Variants in UTY observed in about 807,000 individuals in gnomAD.
UTY encodes the protein ubiquitously transcribed tetratricopeptide repeat containing, Y-linked, also known as histone demethylase UTY.
In UTY, 12 loss-of-function variants were observed where a neutral mutation model predicts 32.5. The ratio of observed to expected loss-of-function variants is 0.37; its 90% confidence interval spans 0.24 to 0.60. The LOEUF (loss-of-function observed/expected upper bound fraction) is 0.60. UTY is among the 20% of genes least tolerant of loss of function. The pLI is 0.69. For synonymous variants in UTY, 131 were observed against 103.4 expected, an observed-to-expected ratio of 1.27 and a Z score of -1.62; for missense variants, 303 against 299.2, an observed-to-expected ratio of 1.01 and a Z score of -0.09.
intron 27 of UTY, among the ~76,000 whole-genome samples, chrY:13,276,942 C>T: frequency 5.9e-5 from 2 of 33,727 alleles, no homozygotes. Flanking sequence ...TTAAAGGAGA[C>T]GTAAAGTCTT....
At chrY:13,245,214 C>A, downstream of UTY, among the ~76,000 whole-genome samples, 1 of 33,885 alleles carries the variant, frequency 3.0e-5, no homozygotes, top group Non-Finnish European at 7.3e-5. Flanking sequence ...GGTATAAGTA[C>A]CTTATTTCAC....
chrY:13,474,684 G>T, intron 2 of UTY, among the ~76,000 whole-genome samples: 2 of 33,871 alleles, frequency 5.9e-5, no homozygotes, highest in Non-Finnish European at 1.5e-4. Context: ...GTAAAAATGA[G>T]AAAAGATCTG....
chrY:13,328,810 T>G (rs2060438946), intron 18 of UTY, among the ~76,000 whole-genome samples: 1 of 33,383 alleles, frequency 3.0e-5, no homozygotes. Context: ...TAAGGTAAAG[T>G]CCTTTTACCT....
At chrY:13,438,176 A>G (rs2074837435) in intron 4 of UTY, among the ~76,000 whole-genome samples, 2 of 32,650 alleles carry the variant, frequency 6.1e-5, no homozygotes. Flanking sequence ...GGGGGTTAAG[A>G]AAGAGTCCCT....
intron 4 of UTY, among the ~76,000 whole-genome samples, chrY:13,424,416 A>G: frequency 3.2e-5 from 1 of 31,487 alleles, no homozygotes; most frequent in Non-Finnish European, 7.7e-5. Context: ...AAAACAAAAC[A>G]AGACAAAACA....
At chrY:13,244,705 G>A, downstream of UTY, among the ~76,000 whole-genome samples, 1 of 32,865 alleles carries the variant, frequency 3.0e-5, no homozygotes, top group African/African-American at 1.2e-4. Flanking sequence ...TTATTAACCT[G>A]TTACTTACAT....
intron 21 of UTY, among the ~76,000 whole-genome samples, chrY:13,314,137 G>A: frequency 3.0e-5 from 1 of 33,669 alleles, no homozygotes; most frequent in Non-Finnish European, 7.4e-5. Flanking sequence ...TAAACCCTCT[G>A]TCTTTAAAAT....
intron 4 of UTY, among the ~76,000 whole-genome samples, chrY:13,420,824 T>C (rs2072435582): frequency 9.0e-5 from 3 of 33,151 alleles, no homozygotes; most frequent in African/African-American, 1.2e-4. Flanking sequence ...GACATAGGAA[T>C]GGGCAAAAAT....
rs1011633763 is a variant in UTY at position 13,335,440 on chromosome Y, A to G, written c.2834+123T>C. On this transcript the variant is annotated intron_variant, in intron 18 of 29. Transcript: ENST00000545955. ...ACAACAAAAAAAATTGTTGTTTTAT[A>G]TGAGTGACTCTATAAATCTTTTGAG... 13 of 225,949 alleles carry G rather than the reference A, an allele frequency of 5.8e-5. No individual in the cohort carries two copies. The African/African-American group carries it at 1.0e-3, about 18-fold the overall frequency. 56.4% of individuals were successfully genotyped at this position (225,949 alleles called of 400,897 possible).
At chrY:13,277,533 C>T in intron 27 of UTY, among the ~76,000 whole-genome samples, 2 of 33,518 alleles carry the variant, frequency 6.0e-5, no homozygotes, top group African/African-American at 2.3e-4. Context: ...ATCACCCATC[C>T]CCAAACCCCG....
At chrY:13,422,782 T>TA (rs2072763120) in intron 4 of UTY, among the ~76,000 whole-genome samples, 2 of 33,557 alleles carry the variant, frequency 6.0e-5, no homozygotes, top group Non-Finnish European at 1.5e-4. Flanking sequence ...GACAGAATTC[T>TA]AAAAAGTAGA....
intron 25 of UTY, among the ~76,000 whole-genome samples, chrY:13,301,790 T>C (rs2058387485): frequency 3.0e-5 from 1 of 33,664 alleles, no homozygotes; most frequent in Admixed American, 2.7e-4. Flanking sequence ...TTCTGTGTAT[T>C]TGGAGTTTCC....
chrY:13,474,247 G>GA (rs2078820250), intron 2 of UTY, among the ~76,000 whole-genome samples: 1 of 29,464 alleles, frequency 3.4e-5, no homozygotes, highest in African/African-American at 1.3e-4. Context: ...ATCTCAAAAA[G>GA]AAAAAAAAAC....
chrY:13,396,948 A>G lies in UTY; in HGVS notation c.580T>C (p.Cys194Arg), dbSNP rs777321086. 13 of 369,380 alleles carry G rather than the reference A, an allele frequency of 3.5e-5. No homozygotes were observed. In the East Asian group the frequency reaches 1.1e-3, roughly 32 times the overall value. 92.1% of individuals were successfully genotyped at this position (369,380 alleles called of 400,897 possible). A position where few individuals can be genotyped will look rare whatever the true frequency, so the allele number is the denominator to read the frequency against. The change falls in exon 7 of 30, where the codon TGT becomes CGT. Residue 194 changes from cysteine to arginine, a missense_variant. By Grantham distance (180) the Cys-to-Arg change is radical. Transcript: ENST00000545955. ...GCATTGGACAAAGTACATGGATTAC[A>G]GTCAATCAAGGCTAACTGAAAATGC... ...LKHFQLALID[C>R]NPCTLSNAEI...
Position 13,414,803 on chromosome Y carries a change from T to C in UTY, c.376-10A>G, listed in dbSNP as rs1182297971. 5.3e-6 allele frequency: 2 copies of C among 375,696 alleles called. No individual in the cohort carries two copies. Among genetic ancestry groups the C allele is most frequent in the Non-Finnish European group, 7.4e-6 (2 of 269,937 alleles). The allele number at this position is 375,696 out of a possible 400,897, so 93.7% of individuals were successfully genotyped here. The stretch of plus-strand genomic sequence containing the variant: ...ATAAAAACGCAGCATTCTGTTAATA[T>C]AAAACACAAAACAACCTTTATAACA... On this transcript the variant is annotated splice_polypyrimidine_tract_variant and intron_variant, in intron 4 of 29. Transcript: ENST00000545955.
At chrY:13,397,076 G>A in intron 6 of UTY, 104 bp from the exon 7 acceptor site, 1 of 115,848 alleles carries the variant, frequency 8.6e-6, no homozygotes. Context: ...ACAAAGCTAT[G>A]CTATACACCA....
At chrY:13,247,953 T>TA (rs749114065), downstream of UTY, among the ~76,000 whole-genome samples, 1 of 32,887 alleles carries the variant, frequency 3.0e-5, no homozygotes, top group African/African-American at 1.2e-4. Flanking sequence ...TTGAGAGGGG[T>TA]AAAAAAAAGT....
chrY:13,454,292 C>CTAATT lies in UTY; in HGVS notation c.326-5231_326-5227dup, dbSNP rs2076591099. 9.4e-5 allele frequency among the ~76,000 whole-genome samples: 3 copies of CTAATT among 31,821 alleles called. No individual in the cohort carries two copies. The South Asian group carries it at 2.2e-3, about 23-fold the overall frequency. The allele number at this position is 31,821 out of a possible 37,273, so 85.4% of individuals were successfully genotyped here. On this transcript the variant is annotated intron_variant, in intron 3 of 29. Coordinates refer to ENST00000545955, the MANE Select transcript of UTY (RefSeq NM_001258249.2). ...TGGGACTCAAACAGATGTCTGTATACTAATTTTCATAGCATATTCCCAACA... is the reference window on the plus strand; with the variant it reads ...TGGGACTCAAACAGATGTCTGTATACTAATTTAATTTTCATAGCATATTCCCAACA...
intron 28 of UTY, among the ~76,000 whole-genome samples, chrY:13,254,688 T>C (rs2054539725): frequency 3.0e-5 from 1 of 33,158 alleles, no homozygotes; most frequent in Non-Finnish European, 7.4e-5. Flanking sequence ...GTGGGGATAA[T>C]AGGATTCCTT....
Sources: gnomAD v4.1 joint callset for allele counts (sites outside exome capture counted in the v4.1 genomes callset) on GRCh38, gnomAD v4.1.1 for gene constraint, MANE v1.5 for transcripts, NCBI Gene and HGNC (gene_info 2026-07-23, HGNC 2026-07-21) for gene names.